The following PDZRN4 variants were observed in gnomAD, a reference collection of about 807,000 sequenced individuals.
PDZRN4 encodes the protein PDZ domain-containing RING finger protein 4.
In PDZRN4, 70 loss-of-function variants were observed where a neutral mutation model predicts 99.0. The observed-to-expected ratio is 0.71, with a 90% confidence interval of 0.58 to 0.86. The LOEUF (loss-of-function observed/expected upper bound fraction) is 0.86. PDZRN4 is among the 40% of genes least tolerant of loss of function. The pLI is 0.00. For missense variants in PDZRN4, 1,474 were observed against 1,331.2 expected, an observed-to-expected ratio of 1.11 and a Z score of -1.67; for synonymous variants, 551 against 501.6, an observed-to-expected ratio of 1.10 and a Z score of -1.32.
chr12:41,357,919 T>C (rs1462161749), intron 3 of PDZRN4, among the ~76,000 whole-genome samples: 1 of 152,010 alleles, frequency 6.6e-6, no homozygotes, highest in Non-Finnish European at 1.5e-5. Flanking sequence ...CTCTCCCCAG[T>C]ACCTGATAAG....
intron 3 of PDZRN4, among the ~76,000 whole-genome samples, chr12:41,338,066 G>A (rs1951788647): frequency 6.6e-6 from 1 of 152,000 alleles, no homozygotes; most frequent in African/African-American, 2.4e-5. Flanking sequence ...ACCCCTATGT[G>A]CTGTCTTTGT....
At chr12:41,386,160 T>C (rs1441613618) in intron 3 of PDZRN4, among the ~76,000 whole-genome samples, 1 of 152,152 alleles carries the variant, frequency 6.6e-6, no homozygotes, top group Non-Finnish European at 1.5e-5. Context: ...TCAGGAAATA[T>C]ACCTCAAAAT....
At chr12:41,435,794 G>GTAAAA (rs1007569405) in intron 3 of PDZRN4, among the ~76,000 whole-genome samples, 28 of 152,042 alleles carry the variant, frequency 1.8e-4, no homozygotes, top group South Asian at 4.2e-4. Context: ...TCTCAAAAAA[G>GTAAAA]TAAAATAAAA....
At chr12:41,550,658 G>T (rs144132547) in intron 5 of PDZRN4, among the ~76,000 whole-genome samples, 1 of 152,224 alleles carries the variant, frequency 6.6e-6, no homozygotes, top group African/African-American at 2.4e-5. Flanking sequence ...ATAATATAGA[G>T]TATCTTTGTC....
intron 9 of PDZRN4, among the ~76,000 whole-genome samples, chr12:41,569,981 C>T (rs896936969): frequency 6.6e-6 from 1 of 150,836 alleles, no homozygotes; most frequent in African/African-American, 2.5e-5. Flanking sequence ...TTGCTCCAGG[C>T]TTTTTTTTTC....
intron 3 of PDZRN4, among the ~76,000 whole-genome samples, chr12:41,384,147 G>A (rs2121106782): frequency 6.6e-6 from 1 of 151,812 alleles, no homozygotes; most frequent in South Asian, 2.1e-4. Flanking sequence ...TTTTGAGACA[G>A]GGCCTCACTC....
chr12:41,413,385 T>C (rs531770776), intron 3 of PDZRN4, among the ~76,000 whole-genome samples: 2 of 151,938 alleles, frequency 1.3e-5, no homozygotes, highest in Non-Finnish European at 2.9e-5. Flanking sequence ...AAACAGGGGA[T>C]AGGGAGGGAT....
At chr12:41,559,310 T>G (rs2120822375) in intron 7 of PDZRN4, among the ~76,000 whole-genome samples, 1 of 152,338 alleles carries the variant, frequency 6.6e-6, no homozygotes, top group East Asian at 1.9e-4. Context: ...GTTTTTAGTC[T>G]GCAAGGAAAG....
chr12:41,218,181 G>A (rs760965169), intron 3 of PDZRN4, among the ~76,000 whole-genome samples: 34 of 152,080 alleles, frequency 2.2e-4, no homozygotes, highest in Non-Finnish European at 2.8e-4. Context: ...CATAATTCAA[G>A]TAAAAGCCTC....
chr12:41,571,559 A>T (rs1939480324), intron 9 of PDZRN4, among the ~76,000 whole-genome samples: 1 of 152,164 alleles, frequency 6.6e-6, no homozygotes, highest in Non-Finnish European at 1.5e-5. Context: ...TCTTTGAAAA[A>T]AAATCCCTGG....
At chr12:41,447,323 A>G (rs988788410) in intron 3 of PDZRN4, among the ~76,000 whole-genome samples, 13 of 152,148 alleles carry the variant, frequency 8.5e-5, no homozygotes, top group Non-Finnish European at 1.9e-4. Flanking sequence ...TGTTAAGACA[A>G]CATGGAAAAT....
intron 3 of PDZRN4, among the ~76,000 whole-genome samples, chr12:41,269,570 A>AAT (rs1210009092): frequency 6.6e-6 from 1 of 152,168 alleles, no homozygotes; most frequent in Non-Finnish European, 1.5e-5. Context: ...TGTAGAAAAT[A>AAT]ATTTTCAAAT....
chr12:41,396,036 T>C (rs1157629887), intron 3 of PDZRN4, among the ~76,000 whole-genome samples: 1 of 152,112 alleles, frequency 6.6e-6, no homozygotes, highest in Admixed American at 6.6e-5. Context: ...TTACCAGTCA[T>C]TCCTCCAGTT....
intron 3 of PDZRN4, among the ~76,000 whole-genome samples, chr12:41,218,302 G>A (rs986025538): frequency 2.6e-5 from 4 of 152,036 alleles, no homozygotes; most frequent in African/African-American, 9.7e-5. Flanking sequence ...GCAGGATAAA[G>A]AAGACAGGGC....
chr12:41,560,741 A>G (rs1051046123), intron 7 of PDZRN4, among the ~76,000 whole-genome samples: 1 of 152,198 alleles, frequency 6.6e-6, no homozygotes, highest in African/African-American at 2.4e-5. Context: ...CAGGACCAAG[A>G]GCAACCGAAG....
chr12:41,213,129 C>T (rs1400311124), intron 3 of PDZRN4, among the ~76,000 whole-genome samples: 4 of 152,012 alleles, frequency 2.6e-5, no homozygotes, highest in Admixed American at 1.3e-4. Flanking sequence ...ATTTATAAAT[C>T]GGGTTTTCTT....
intron 3 of PDZRN4, among the ~76,000 whole-genome samples, chr12:41,316,128 A>G (rs1951636385): frequency 6.6e-6 from 1 of 152,120 alleles, no homozygotes; most frequent in African/African-American, 2.4e-5. Context: ...TTAATAGGAA[A>G]GCTGTTGATT....
At chr12:41,444,198 T>A (rs1284681275) in intron 3 of PDZRN4, among the ~76,000 whole-genome samples, 1 of 152,162 alleles carries the variant, frequency 6.6e-6, no homozygotes, top group East Asian at 1.9e-4. Context: ...TTGCTCCAGC[T>A]GCTGGGCGTG....
intron 3 of PDZRN4, among the ~76,000 whole-genome samples, chr12:41,393,581 A>T (rs1952225506): frequency 6.6e-6 from 1 of 152,154 alleles, no homozygotes; most frequent in African/African-American, 2.4e-5. Context: ...TAAAATGGTA[A>T]CTGTTCTAGA....
Sources: allele counts gnomAD v4.1 joint callset (sites outside exome capture counted in the v4.1 genomes callset), GRCh38; gene constraint gnomAD v4.1.1; transcripts MANE v1.5; gene names NCBI Gene and HGNC (gene_info 2026-07-23, HGNC 2026-07-21).